Variants in SLC35F1 observed in about 807,000 individuals in gnomAD.
The protein encoded by SLC35F1 is solute carrier family 35 member F1.
In SLC35F1, 14 loss-of-function variants were observed where a neutral mutation model predicts 48.7. The ratio of observed to expected loss-of-function variants is 0.29; its 90% confidence interval spans 0.19 to 0.45. The LOEUF (loss-of-function observed/expected upper bound fraction) is 0.45, where lower values mean the gene tolerates loss of function less well. SLC35F1 is among the 20% of genes least tolerant of loss of function. The probability of loss-of-function intolerance (pLI) is 1.00; values close to 1 mark genes in which losing one functional copy is unlikely to be tolerated. For missense variants in SLC35F1, 404 were observed against 500.0 expected, an observed-to-expected ratio of 0.81 and a Z score of 1.83; for synonymous variants, 190 against 202.2, an observed-to-expected ratio of 0.94 and a Z score of 0.51.
Position 117,907,657 on chromosome 6 carries a change from C to T in SLC35F1, c.-70C>T, listed in dbSNP as rs1253580934. 9.3e-6 allele frequency: 9 copies of T among 962,964 alleles called. No homozygotes were observed. The highest frequency in any genetic ancestry group is 1.2e-5 in the Non-Finnish European group (8 of 694,408). 59.7% of individuals were successfully genotyped at this position (962,964 alleles called of 1,614,324 possible). A position where few individuals can be genotyped will look rare whatever the true frequency, so the allele number is the denominator to read the frequency against. On this transcript the variant is annotated 5_prime_UTR_variant, in exon 1 of 8. Coordinates refer to ENST00000360388, the MANE Select transcript of SLC35F1 (RefSeq NM_001029858.4). ...CCCGGCCGGGTCCTCTGCGCGTTCC[C>T]GGGCCCGGAACCGGCACACGATGCA...
chr6:117,946,373 A>G (rs1053814920), intron 1 of SLC35F1, among the ~76,000 whole-genome samples: 1 of 152,204 alleles, frequency 6.6e-6, no homozygotes, highest in African/African-American at 2.4e-5. Flanking sequence ...ATAAAAAATA[A>G]TGGCTGATTT....
rs937308946 is a variant in SLC35F1, at chr6:117,964,714, A to G, written c.173+56815A>G. Among the ~76,000 whole-genome samples the G allele has an allele frequency of 3.7e-4, 56 of 152,164 alleles. 1 individual carries two copies. Among genetic ancestry groups the G allele is most frequent in the Admixed American group, 3.7e-3 (56 of 15,266 alleles). ...AGATTTAGGCTCTGGCTTGATCAGC[A>G]TCCTCCCACTTAGCTCAAGCCACTG... On this transcript the variant is annotated intron_variant, in intron 1 of 7. Coordinates refer to ENST00000360388, the MANE Select transcript of SLC35F1 (RefSeq NM_001029858.4).
rs189323516 is a variant in SLC35F1 at position 118,063,024 on chromosome 6, A to G, written c.174-91421A>G. ...TAATTTTGCATCTCACATTTATATT[A>G]TCGGGGAAAAGTAGCTAAGATTTGA... On this transcript the variant is annotated intron_variant, in intron 1 of 7. Coordinates refer to ENST00000360388, the MANE Select transcript of SLC35F1 (RefSeq NM_001029858.4). 4.2e-3 allele frequency among the ~76,000 whole-genome samples: 639 copies of G among 152,238 alleles called. 6 individuals are homozygous for G. Among genetic ancestry groups the G allele is most frequent in the African/African-American group, 0.015 (607 of 41,566 alleles).
At chr6:118,042,348 C>A (rs149619277) in intron 1 of SLC35F1, among the ~76,000 whole-genome samples, 1 of 152,088 alleles carries the variant, frequency 6.6e-6, no homozygotes, top group Non-Finnish European at 1.5e-5. Flanking sequence ...AAATGAAGCA[C>A]GTTGGGTGGT....
chr6:117,996,779 T>G (rs1776998262), intron 1 of SLC35F1, among the ~76,000 whole-genome samples: 1 of 152,188 alleles, frequency 6.6e-6, no homozygotes, highest in Admixed American at 6.5e-5. Flanking sequence ...AAAACCCATC[T>G]GTACATCACC....
intron 1 of SLC35F1, among the ~76,000 whole-genome samples, chr6:118,141,863 T>C (rs950609831): frequency 2.1e-4 from 32 of 152,244 alleles, no homozygotes; most frequent in African/African-American, 7.5e-4. Flanking sequence ...TGGACTGGAT[T>C]TCACTGAATT....
At chr6:118,079,881 A>G (rs1772880621) in intron 1 of SLC35F1, among the ~76,000 whole-genome samples, 1 of 152,088 alleles carries the variant, frequency 6.6e-6, no homozygotes, top group South Asian at 2.1e-4. Context: ...AGTACACAGG[A>G]CTTTCTATGT....
chr6:118,257,336 T>A (rs1438497813), intron 3 of SLC35F1, among the ~76,000 whole-genome samples: 1 of 152,188 alleles, frequency 6.6e-6, no homozygotes, highest in Non-Finnish European at 1.5e-5. Context: ...GTGCTTCATT[T>A]CTGCCTGCTC....
chr6:118,042,536 G>A (rs761186417), intron 1 of SLC35F1, among the ~76,000 whole-genome samples: 13 of 152,232 alleles, frequency 8.5e-5, no homozygotes, highest in African/African-American at 1.9e-4. Context: ...CAAGATGAAC[G>A]TCAGAAACTT....
At chr6:117,992,399 C>T (rs1025334690) in intron 1 of SLC35F1, among the ~76,000 whole-genome samples, 3 of 152,182 alleles carry the variant, frequency 2.0e-5, no homozygotes, top group African/African-American at 7.2e-5. Flanking sequence ...CAGATGTGAA[C>T]TTCCCAACCA....
intron 1 of SLC35F1, among the ~76,000 whole-genome samples, chr6:118,152,307 G>C (rs1774072810): frequency 6.6e-6 from 1 of 152,182 alleles, no homozygotes; most frequent in Non-Finnish European, 1.5e-5. Context: ...GGAGTAATAA[G>C]GGAAACAGAG....
chr6:118,257,817 C>T lies in SLC35F1; in HGVS notation c.478-9178C>T, dbSNP rs1042946183. On this transcript the variant is annotated intron_variant, in intron 3 of 7. Coordinates refer to ENST00000360388, the MANE Select transcript of SLC35F1 (RefSeq NM_001029858.4). ...GTTGAAGATAAAGAACAAGCATTGC[C>T]GAGTTGTTAGGTTTGTAAGTAGAAA... 2.6e-5 allele frequency among the ~76,000 whole-genome samples: 4 copies of T among 152,036 alleles called. No individual in the cohort carries two copies. The East Asian group carries it at 5.8e-4, about 22-fold the overall frequency.
intron 2 of SLC35F1, among the ~76,000 whole-genome samples, chr6:118,183,483 A>G (rs1383382080): frequency 6.6e-6 from 1 of 151,966 alleles, no homozygotes; most frequent in African/African-American, 2.4e-5. Flanking sequence ...TAAAACTTAA[A>G]GTATAATAAT....
intron 2 of SLC35F1, among the ~76,000 whole-genome samples, chr6:118,221,346 G>A (rs1343739144): frequency 6.6e-6 from 1 of 152,128 alleles, no homozygotes; most frequent in Non-Finnish European, 1.5e-5. Context: ...ACAGAATGCC[G>A]GGAAATGAAC....
In SLC35F1 at chr6:118,275,749, C is replaced by A. The variant is rs1331514020; in HGVS notation, c.794+134C>A. 5 of 657,244 alleles carry A rather than the reference C, an allele frequency of 7.6e-6. No homozygotes were observed. The Admixed American group carries it at 1.0e-4, about 13-fold the overall frequency. The allele number at this position is 657,244 out of a possible 1,614,324, so 40.7% of individuals were successfully genotyped here. Reference sequence around the variant, plus strand: ...TTCCTGTACAAAGGACTTATGTAATCTGCCAACTCAATATCTTTATTAGTA... The same window carrying A: ...TTCCTGTACAAAGGACTTATGTAATATGCCAACTCAATATCTTTATTAGTA... On this transcript the variant is annotated intron_variant, in intron 5 of 7. Coordinates refer to ENST00000360388, the MANE Select transcript of SLC35F1 (RefSeq NM_001029858.4).
intron 1 of SLC35F1, among the ~76,000 whole-genome samples, chr6:118,094,115 T>C (rs2114350168): frequency 6.6e-6 from 1 of 152,300 alleles, no homozygotes; most frequent in Middle Eastern, 3.4e-3. Flanking sequence ...AGCATAATTC[T>C]ATGCTGTTGA....
chr6:117,914,275 C>T (rs1227658041), intron 1 of SLC35F1, among the ~76,000 whole-genome samples: 1 of 150,598 alleles, frequency 6.6e-6, no homozygotes, highest in Non-Finnish European at 1.5e-5. Flanking sequence ...AAAAAAAGCC[C>T]TTAAATATAG....
In SLC35F1 at chr6:117,990,342, A is replaced by C. The variant is rs117441951; in HGVS notation, c.173+82443A>C. The stretch of plus-strand genomic sequence containing the variant: ...TGGGAAGTGTGAGTAGTTTTAGACA[A>C]GAATTTCACACTTAGGCTGTGTTTG... On this transcript the variant is annotated intron_variant, in intron 1 of 7. Coordinates refer to ENST00000360388, the MANE Select transcript of SLC35F1 (RefSeq NM_001029858.4). 9.2e-5 allele frequency among the ~76,000 whole-genome samples: 14 copies of C among 152,262 alleles called. No homozygotes were observed. In the East Asian group the frequency reaches 2.5e-3, roughly 27 times the overall value.
intron 3 of SLC35F1, among the ~76,000 whole-genome samples, chr6:118,253,467 A>G (rs915880851): frequency 1.3e-5 from 2 of 152,192 alleles, no homozygotes; most frequent in Non-Finnish European, 2.9e-5. Context: ...AGATGGAGAC[A>G]GTGGCTAAAT....
Sources: gnomAD v4.1 joint callset for allele counts (sites outside exome capture counted in the v4.1 genomes callset) on GRCh38, gnomAD v4.1.1 for gene constraint, MANE v1.5 for transcripts, NCBI Gene and HGNC (gene_info 2026-07-23, HGNC 2026-07-21) for gene names.